Variants in SYMPK observed in about 807,000 individuals in gnomAD.
The protein encoded by SYMPK is symplekin.
SYMPK carries 49 observed loss-of-function variants against 136.4 expected under a neutral mutation model. That is an observed-to-expected ratio of 0.36 (90% CI 0.29 to 0.46). The LOEUF is 0.46. Among genes scored for constraint, SYMPK ranks in the 20% least tolerant of loss-of-function variants. The pLI is 1.00. For missense variants in SYMPK, 1,365 were observed against 1,690.0 expected (o/e 0.81, Z 3.37); for synonymous variants, 766 against 713.0 (o/e 1.07, Z -1.19).
intron 23 of SYMPK, 52 bp from the exon 24 acceptor site, chr19:45,817,026 G>A (rs780448153): frequency 2.6e-6 from 4 of 1,517,610 alleles, no homozygotes; most frequent in Non-Finnish European, 3.5e-6. Flanking sequence ...GCATCCCCCC[G>A]AGCCTTGACA....
intron 11 of SYMPK, among the ~76,000 whole-genome samples, chr19:45,833,124 A>C (rs1042302927): frequency 6.6e-6 from 1 of 152,044 alleles, no homozygotes; most frequent in Non-Finnish European, 1.5e-5. Flanking sequence ...AATCGCTTGA[A>C]TCCAGGAGAC....
intron 5 of SYMPK, 42 bp downstream of exon 5, chr19:45,852,270 A>G: frequency 6.2e-7 from 1 of 1,610,814 alleles, no homozygotes; most frequent in Non-Finnish European, 8.5e-7. Flanking sequence ...GAAGGCTGCC[A>G]CCAGTGAGAA....
intron 1 of SYMPK, among the ~76,000 whole-genome samples, chr19:45,861,110 G>A (rs896067081): frequency 6.6e-6 from 1 of 152,166 alleles, no homozygotes; most frequent in African/African-American, 2.4e-5. Context: ...AAAAAAACAG[G>A]CCGGGCATGG....
In SYMPK at chr19:45,821,239, G is replaced by A. The variant is rs1391617678; in HGVS notation, c.2893+145C>T. The stretch of plus-strand genomic sequence containing the variant: ...AGGAGGCAAGAAAAGGAGGGAGGGA[G>A]GGAGGTGGCTCTCCAGAGCTCTGAG... On this transcript the variant is annotated intron_variant, in intron 22 of 26. Transcript: ENST00000245934. The surrounding 1 kb of genome is among the most constrained non-coding windows in gnomAD (Gnocchi z 4.4). 4 of 715,330 alleles carry A rather than the reference G, an allele frequency of 5.6e-6. No individual in the cohort carries two copies. Among genetic ancestry groups the A allele is most frequent in the South Asian group, 1.5e-5 (1 of 68,330 alleles). The allele number at this position is 715,330 out of a possible 1,614,324, so 44.3% of individuals were successfully genotyped here. A position where few individuals can be genotyped will look rare whatever the true frequency, so the allele number is the denominator to read the frequency against.
rs139386869 is a variant in SYMPK, at chr19:45,831,461, G to A, written c.1521C>T (p.Ser507=). The change falls in exon 12 of 27, where the codon AGC becomes AGT. Residue 507 remains serine (S), a synonymous_variant. Coordinates refer to ENST00000245934, the MANE Select transcript of SYMPK (RefSeq NM_004819.3). ...GQAISVVGSL[S]SMSPLEEEAP... ...CCTCTTCCTCCAGGGGGGACATGGA[G>A]CTCAGGGAACCCACCACCGAGATGG... 3,910 of 1,602,592 alleles carry A rather than the reference G, an allele frequency of 2.4e-3. 8 individuals carry two copies. Among genetic ancestry groups the A allele is most frequent in the Non-Finnish European group, 2.9e-3 (3,370 of 1,175,474 alleles).
At chr19:45,852,455 C>A (rs780011111) in intron 4 of SYMPK, 27 bp downstream of exon 4, 1 of 1,614,214 alleles carries the variant, frequency 6.2e-7, no homozygotes, top group East Asian at 2.2e-5. Context: ...CTACACCACA[C>A]CCCTTTCTCT....
rs1220858006 is a variant in SYMPK, at chr19:45,838,570, C to T, written c.1133G>A (p.Gly378Asp). 5.0e-6 allele frequency: 8 copies of T among 1,614,220 alleles called. No individual in the cohort carries two copies. The highest frequency in any genetic ancestry group is 6.8e-6 in the Non-Finnish European group (8 of 1,180,038). The change falls in exon 10 of 27, where the codon GGC (glycine) becomes GAC (aspartate). Residue 378 changes from glycine to aspartate, a missense_variant. Around this residue, in one of 11 missense-constraint regions of SYMPK, gnomAD observed 111 missense variants for 141.2 expected, o/e 0.79. Transcript: ENST00000245934. ...TGAGGCCTTCGAGGTCCCCGACGGG[C>T]CTGGCTCCAAGTCTTTGTCCTCATC... is the stretch of plus-strand genomic sequence containing the variant. ...EDDEDKDLEP[G>D]PSGTSKASAQ...
chr19:45,816,187 G>C lies in SYMPK; in HGVS notation c.3355-4C>G, dbSNP rs1970731793. ...AGGTCAGGGGCTCCAGATCATCCTGGGGATAGGGAGGGCCACACAGAAGCT... is the reference window on the plus strand; with the variant it reads ...AGGTCAGGGGCTCCAGATCATCCTGCGGATAGGGAGGGCCACACAGAAGCT... On this transcript the variant is annotated splice_polypyrimidine_tract_variant and splice_region_variant and intron_variant, in intron 25 of 26. Transcript: ENST00000245934. 6.6e-7 allele frequency: 1 copy of C among 1,510,694 alleles called. No individual in the cohort carries two copies. The highest frequency in any genetic ancestry group is 1.3e-5 in the South Asian group (1 of 79,364). 93.6% of individuals were successfully genotyped at this position (1,510,694 alleles called of 1,614,324 possible).
chr19:45,815,912 T>C lies in SYMPK; in HGVS notation c.3626A>G (p.Asp1209Gly). ...ETPGIFISMD[D>G]DSGLTEAALL... is the part of the protein sequence containing the mutation. ...CGCGGCCTCGGTCAGCCCCGAGTCG[T>C]CATCCATGCTGATGAAGATGCCCGG... The change falls in exon 26 of 27, where the codon GAC (aspartate) becomes GGC (glycine). Residue 1209 changes from aspartate to glycine, a missense_variant. Physicochemically the swap from Asp to Gly is moderately conservative, Grantham distance 94. This residue lies in a region of SYMPK where 341 missense variants were observed against 270.5 expected (regional missense o/e 1.26). Coordinates refer to ENST00000245934, the MANE Select transcript of SYMPK (RefSeq NM_004819.3). 6.2e-7 allele frequency: 1 copy of C among 1,612,204 alleles called. No individual in the cohort carries two copies.
chr19:45,847,064 G>A (rs367873207), intron 7 of SYMPK, among the ~76,000 whole-genome samples: 24 of 152,086 alleles, frequency 1.6e-4, no homozygotes, highest in African/African-American at 5.5e-4. Flanking sequence ...AAAATGCTGG[G>A]ACTATAAGCA....
rs781655515 is a variant in SYMPK, at chr19:45,821,199, A to C, written c.2893+185T>G. On this transcript the variant is annotated intron_variant, in intron 22 of 26. Transcript: ENST00000245934. This position sits in a 1 kb window ranked among gnomAD's most constrained non-coding sequence, Gnocchi z 4.4. Reference sequence around the variant, plus strand: ...GGGAGGAAGGAAGGAGGAGGGAGGGAGGGAGGGAGGGAAGAGGAGGCAAGA... The same window carrying C: ...GGGAGGAAGGAAGGAGGAGGGAGGGCGGGAGGGAGGGAAGAGGAGGCAAGA... The C allele has an allele frequency of 3.6e-6, 1 of 275,040 alleles. No homozygotes were observed. The highest frequency in any genetic ancestry group is 6.7e-6 in the Non-Finnish European group (1 of 149,280). 17.0% of individuals were successfully genotyped at this position (275,040 alleles called of 1,614,324 possible).
At position 45,825,200 on chromosome 19, in the gene SYMPK, G is replaced by A. The variant is rs1401120334; in HGVS notation, c.2461C>T (p.Arg821Trp). 2 of 1,614,028 alleles carry A rather than the reference G, an allele frequency of 1.2e-6. No individual in the cohort carries two copies. The highest frequency in any genetic ancestry group is 1.7e-6 in the Non-Finnish European group (2 of 1,180,000). Reference protein sequence around the residue: ...VYTEAIADIKRTVLRVIEQPI... With the variant: ...VYTEAIADIKWTVLRVIEQPI... ...TGCTCAATGACCCTCAGCACCGTCCGCTTGATGTCGGCGATGGCTTCAGTG... is the reference window on the plus strand; with the variant it reads ...TGCTCAATGACCCTCAGCACCGTCCACTTGATGTCGGCGATGGCTTCAGTG... The change falls in exon 18 of 27, where the codon CGG becomes TGG. Residue 821 changes from arginine to tryptophan, a missense_variant. Around this residue, in one of 11 missense-constraint regions of SYMPK, gnomAD observed 92 missense variants for 198.6 expected, o/e 0.46. Coordinates refer to ENST00000245934, the MANE Select transcript of SYMPK (RefSeq NM_004819.3).
At position 45,815,612 on chromosome 19, in the gene SYMPK, G is replaced by T. The variant is rs769451270; in HGVS notation, c.3773C>A (p.Pro1258His). Residue 1258 changes from proline to histidine, a missense_variant, in exon 27 of 27, where the codon CCC becomes CAC. Around this residue, in one of 11 missense-constraint regions of SYMPK, gnomAD observed 341 missense variants for 270.5 expected, o/e 1.26. Transcript: ENST00000245934. ...APVGEDAMKT[P>H]SPAAEDAREP... ...CCTGGCGTCCTCGGCAGCCGGGCTG[G>T]GAGTCTTCATAGCATCTTCTCCAAC... The T allele has an allele frequency of 6.2e-6, 10 of 1,609,050 alleles. No homozygotes were observed. The highest frequency in any genetic ancestry group is 8.5e-6 in the Non-Finnish European group (10 of 1,178,492).
intron 14 of SYMPK, chr19:45,828,520 A>C: frequency 5.5e-6 from 1 of 181,080 alleles, no homozygotes; most frequent in Non-Finnish European, 1.2e-5. Flanking sequence ...TGGGGAAGTA[A>C]TAAAAGGATT....
intron 7 of SYMPK, 148 bp from the exon 8 acceptor site, chr19:45,844,348 G>T: frequency 1.7e-6 from 1 of 589,058 alleles, no homozygotes; most frequent in East Asian, 3.1e-5. Context: ...TGGTTGATTA[G>T]TTCTATGAGA....
chr19:45,857,645 C>G (rs1376054215), intron 1 of SYMPK, among the ~76,000 whole-genome samples: 1 of 151,250 alleles, frequency 6.6e-6, no homozygotes, highest in Non-Finnish European at 1.5e-5. Context: ...GCGCCTGCCA[C>G]CACGCCCGGC....
At chr19:45,817,217 C>T in intron 23 of SYMPK, 2 of 503,990 alleles carry the variant, frequency 4.0e-6, no homozygotes, top group Non-Finnish European at 6.9e-6. Flanking sequence ...TACCAGAGCT[C>T]CCCCTGGGCC....
In SYMPK at chr19:45,835,077, C is replaced by A; in HGVS notation, c.1393+1G>T. 6.3e-7 allele frequency: 1 copy of A among 1,595,562 alleles called. No individual in the cohort carries two copies. The highest frequency in any genetic ancestry group is 8.5e-7 in the Non-Finnish European group (1 of 1,170,564). ...CCAGGTTAGGGCCAGGACACACTCA[C>A]CTGGTCCCAGTCCGGCAGCTGTCAT... On this transcript the variant is annotated splice_donor_variant, in intron 11 of 26. Transcript: ENST00000245934. LOFTEE classifies it high-confidence loss of function.
chr19:45,847,857 T>C lies in SYMPK; in HGVS notation c.571A>G (p.Ile191Val), dbSNP rs1230737086. Residue 191 changes from isoleucine to valine, a missense_variant, in exon 7 of 27, where the codon ATT (isoleucine) becomes GTT (valine). Around this residue, in one of 11 missense-constraint regions of SYMPK, gnomAD observed 237 missense variants for 292.9 expected, o/e 0.81. Coordinates refer to ENST00000245934, the MANE Select transcript of SYMPK (RefSeq NM_004819.3). ...GCCATGCGGGGTGACAGGGTGACAA[T>C]GAGGCCCTCCACAAACTTGATGGCG... ...THAIKFVEGL[I>V]VTLSPRMADS... The C allele has an allele frequency of 6.2e-7, 1 of 1,613,952 alleles. No individual in the cohort carries two copies. The highest frequency in any genetic ancestry group is 1.1e-5 in the South Asian group (1 of 91,076).
Sources: gnomAD v4.1 joint callset for allele counts (sites outside exome capture counted in the v4.1 genomes callset) on GRCh38, gnomAD v4.1.1 for gene constraint, gnomAD v4.1.1 regional missense constraint, Gnocchi (gnomAD v3.1) non-coding constraint, MANE v1.5 for transcripts, NCBI Gene and HGNC (gene_info 2026-07-23, HGNC 2026-07-21) for gene names.